Variants in CARNS1 observed in about 807,000 individuals in gnomAD.
CARNS1 encodes the protein ATP-grasp domain containing 1.
Under a neutral mutation model 74.0 loss-of-function variants are expected in CARNS1, and 61 were observed. The observed-to-expected ratio is 0.82, with a 90% CI of 0.67 to 1.02. The LOEUF is 1.02. Among genes scored for constraint, CARNS1 ranks in the 50% least tolerant of loss-of-function variants. The probability of loss-of-function intolerance (pLI) is 0.00; values close to 1 mark genes in which losing one functional copy is unlikely to be tolerated. For missense variants in CARNS1, 1,278 were observed against 1,308.4 expected (o/e 0.98, Z 0.36); for synonymous variants, 568 against 605.5 (o/e 0.94, Z 0.91).
chr11:67,420,920 C>T lies in CARNS1; in HGVS notation c.1346-19C>T. On this transcript the variant is annotated intron_variant, in intron 8 of 9. Transcript: ENST00000687366. ...GCGGTGGCTGCCGTAGCTGAGCTCG[C>T]GCCTCCCGCCCGGCGCAGGCGTGGA... 7.3e-7 allele frequency: 1 copy of T among 1,368,382 alleles called. No individual in the cohort carries two copies. The allele number at this position is 1,368,382 out of a possible 1,614,324, so 84.8% of individuals were successfully genotyped here.
Position 67,419,798 on chromosome 11 carries a change from T to C in CARNS1, c.1073T>C (p.Val358Ala), listed in dbSNP as rs774161889. Residue 358 changes from valine (V) to alanine (A), a missense_variant, in exon 7 of 10, where the codon GTG becomes GCG. Val to Ala is a moderately conservative substitution (Grantham distance 64). This residue lies in a region of CARNS1 where 1,164 missense variants were observed against 1,156.5 expected (regional missense o/e 1.01). Coordinates refer to ENST00000687366, the MANE Select transcript of CARNS1 (RefSeq NM_001166222.2). ...GGCCTGGCCGTGCGAATCTGTGCTGTGGTGTGTCGGACACAGGGTGATAGG... is the reference window on the plus strand; with the variant it reads ...GGCCTGGCCGTGCGAATCTGTGCTGCGGTGTGTCGGACACAGGGTGATAGG... ...GPGLAVRICA[V>A]VCRTQGDRPL... The C allele has an allele frequency of 8.1e-6, 13 of 1,601,714 alleles. No homozygotes were observed. The highest frequency in any genetic ancestry group is 1.6e-4 in the Middle Eastern group (1 of 6,078).
chr11:67,422,172 T>A (rs1450607519), intron 9 of CARNS1, among the ~76,000 whole-genome samples: 1 of 49,032 alleles, frequency 2.0e-5, no homozygotes, highest in Non-Finnish European at 3.7e-5. Flanking sequence ...GCGCCCGGCC[T>A]TTTTTTTTTT....
chr11:67,419,067 G>T lies in CARNS1; in HGVS notation c.676G>T (p.Val226Leu). 6.4e-7 allele frequency: 1 copy of T among 1,561,816 alleles called. No homozygotes were observed. The highest frequency in any genetic ancestry group is 8.7e-7 in the Non-Finnish European group (1 of 1,154,310). Reference sequence around the variant, plus strand: ...GCAGTTGCTGGCCCAGCAGGGTGGTGTGGCTGTGCCAGCAACCCTGGCTTT... The same window carrying T: ...GCAGTTGCTGGCCCAGCAGGGTGGTTTGGCTGTGCCAGCAACCCTGGCTTT... Reference protein sequence around the residue: ...TRQLLAQQGGVAVPATLAFTY... With the variant: ...TRQLLAQQGGLAVPATLAFTY... The change falls in exon 5 of 10, where the codon GTG becomes TTG. Residue 226 changes from valine (V) to leucine (L), a missense_variant. Val to Leu is a conservative substitution (Grantham distance 32). Transcript: ENST00000687366.
chr11:67,419,756 G>A lies in CARNS1; in HGVS notation c.1031G>A (p.Gly344Asp). Residue 344 changes from glycine (G) to aspartate (D), a missense_variant, in exon 7 of 10, where the codon GGT (glycine) becomes GAT (aspartate). Transcript: ENST00000687366. ...AGACCTCCCCGTCTTCCCCCAGATGGTCCTTCACCCGGCCCCGGCCTGGCC... is the reference window on the plus strand; with the variant it reads ...AGACCTCCCCGTCTTCCCCCAGATGATCCTTCACCCGGCCCCGGCCTGGCC... Reference protein sequence around the residue: ...YPPAQLPCSDGPSPGPGLAVR... With the variant: ...YPPAQLPCSDDPSPGPGLAVR... 1 of 1,603,562 alleles carries A rather than the reference G, an allele frequency of 6.2e-7. No homozygotes were observed. Among genetic ancestry groups the A allele is most frequent in the African/African-American group, 1.3e-5 (1 of 74,602 alleles).
At chr11:67,416,118 G>A (rs1465504709) in intron 1 of CARNS1, 58 bp from the exon 2 acceptor site, 7 of 1,059,134 alleles carry the variant, frequency 6.6e-6, no homozygotes, top group African/African-American at 1.6e-5. Flanking sequence ...GGAAGGCCAG[G>A]CAGGGACTTG....
In CARNS1 at chr11:67,419,035, T is replaced by C; in HGVS notation, c.644T>C (p.Leu215Pro). ...ELARLLEDRL[L>P]TRQLLAQQGG... ...GCCCGGCTGCTGGAGGACCGGCTGCTGACAAGGCAGTTGCTGGCCCAGCAG... is the reference window on the plus strand; with the variant it reads ...GCCCGGCTGCTGGAGGACCGGCTGCCGACAAGGCAGTTGCTGGCCCAGCAG... Residue 215 changes from leucine to proline, a missense_variant, in exon 5 of 10, where the codon CTG (leucine) becomes CCG (proline). Leu to Pro is a moderately conservative substitution (Grantham distance 98). This residue lies in a region of CARNS1 where 1,164 missense variants were observed against 1,156.5 expected (regional missense o/e 1.01). Coordinates refer to ENST00000687366, the MANE Select transcript of CARNS1 (RefSeq NM_001166222.2). 1 of 1,557,766 alleles carries C rather than the reference T, an allele frequency of 6.4e-7. No homozygotes were observed. The highest frequency in any genetic ancestry group is 8.7e-7 in the Non-Finnish European group (1 of 1,151,908).
chr11:67,423,670 C>G lies in CARNS1; in HGVS notation c.1922C>G (p.Pro641Arg). The G allele has an allele frequency of 1.9e-6, 3 of 1,600,104 alleles. No homozygotes were observed. Among genetic ancestry groups the G allele is most frequent in the South Asian group, 2.2e-5 (2 of 89,544 alleles). ...QLHLLHHHGP[P>R]WPAPSLHAVP... Reference sequence around the variant, plus strand: ...CACCTGTTGCACCACCATGGCCCACCCTGGCCTGCGCCCTCCCTCCATGCT... The same window carrying G: ...CACCTGTTGCACCACCATGGCCCACGCTGGCCTGCGCCCTCCCTCCATGCT... Residue 641 changes from proline to arginine, a missense_variant, in exon 10 of 10, where the codon CCC (proline) becomes CGC (arginine). Physicochemically the swap from Pro to Arg is moderately radical, Grantham distance 103. Transcript: ENST00000687366. The surrounding 1 kb of genome is among the most constrained non-coding windows in gnomAD (Gnocchi z 5.1).
At position 67,421,052 on chromosome 11, in the gene CARNS1, C is replaced by T. The variant is rs1336338643; in HGVS notation, c.1459C>T (p.Pro487Ser). ...CGALEGLWAAPRLGPAADEAV... is the reference protein window; with the variant it reads ...CGALEGLWAASRLGPAADEAV... ...CGCGCTGGAGGGGCTGTGGGCCGCG[C>T]CGCGGCTGGGGCCGGCGGCCGACGA... Residue 487 changes from proline to serine, a missense_variant, in exon 9 of 10, where the codon CCG becomes TCG. Physicochemically the swap from Pro to Ser is moderately conservative, Grantham distance 74. Around this residue, in one of 3 missense-constraint regions of CARNS1, gnomAD observed 1,164 missense variants for 1,156.5 expected, o/e 1.01. Transcript: ENST00000687366. 3 of 1,358,334 alleles carry T rather than the reference C, an allele frequency of 2.2e-6. No individual in the cohort carries two copies. In the African/African-American group the frequency reaches 4.6e-5, roughly 21 times the overall value. The allele number at this position is 1,358,334 out of a possible 1,614,324, so 84.1% of individuals were successfully genotyped here.
intron 7 of CARNS1, 85 bp from the exon 8 acceptor site, chr11:67,420,523 TG>T: frequency 1.2e-6 from 1 of 804,376 alleles, no homozygotes; most frequent in East Asian, 3.4e-5. Context: ...GTGAGGGGTC[TG>T]GTCTGAATTT....
At chr11:67,418,616 C>A in intron 4 of CARNS1, 96 bp downstream of exon 4, 2 of 1,435,190 alleles carry the variant, frequency 1.4e-6, no homozygotes, top group Non-Finnish European at 1.8e-6. Flanking sequence ...ACCCTGGCAA[C>A]TGCCTGCATT....
Position 67,423,796 on chromosome 11 carries a change from TG to T in CARNS1, c.2051del (p.Gly684ValfsTer5). The T allele has an allele frequency of 1.9e-6, 3 of 1,603,788 alleles. No homozygotes were observed. The highest frequency in any genetic ancestry group is 2.5e-6 in the Non-Finnish European group (3 of 1,178,464). ...VMKLEFGAGA[V>X]GVRLVEDAPQ... is the part of the protein sequence containing the mutation. ...AAGCTGGAGTTCGGGGCAGGTGCAGTGGGTGTCCGGCTGGTAGAGGATGCGC... is the reference window on the plus strand; with the variant it reads ...AAGCTGGAGTTCGGGGCAGGTGCAGTGGTGTCCGGCTGGTAGAGGATGCGC... On this transcript the variant is annotated frameshift_variant, in exon 10 of 10. Transcript: ENST00000687366. LOFTEE classifies it high-confidence loss of function. This position sits in a 1 kb window ranked among gnomAD's most constrained non-coding sequence, Gnocchi z 5.1.
In CARNS1 at chr11:67,425,461, C is replaced by CGGCG; in HGVS notation, c.*860_*861insGGCG. 8 of 198,408 alleles carry CGGCG rather than the reference C, an allele frequency of 4.0e-5. No homozygotes were observed. The highest frequency in any genetic ancestry group is 6.3e-5 in the Non-Finnish European group (6 of 94,728). 12.3% of individuals were successfully genotyped at this position (198,408 alleles called of 1,614,324 possible). A position where few individuals can be genotyped will look rare whatever the true frequency, so the allele number is the denominator to read the frequency against. On this transcript the variant is annotated 3_prime_UTR_variant, in exon 10 of 10. Coordinates refer to ENST00000687366, the MANE Select transcript of CARNS1 (RefSeq NM_001166222.2). ...AGCTTTGGTGCTTTGGCCTCTGGCA[C>CGGCG]ACCTAACTAGCATTGGCAGAGGAGA...
At chr11:67,418,169 C>G (rs1249884156) in intron 3 of CARNS1, among the ~76,000 whole-genome samples, 4 of 152,188 alleles carry the variant, frequency 2.6e-5, no homozygotes, top group Non-Finnish European at 5.9e-5. Context: ...CAAGGTTACA[C>G]AGAAAGTCAG....
chr11:67,423,578 G>C lies in CARNS1; in HGVS notation c.1830G>C (p.Glu610Asp), dbSNP rs759892422. ...TGCTCACAGCCCTGCTCTGCCAGGA[G>C]CTAGGTCTGCCCTGCAGCTCCCCAG... ...CLVLTALLCQELGLPCSSPAA... is the reference protein window; with the variant it reads ...CLVLTALLCQDLGLPCSSPAA... Residue 610 changes from glutamate to aspartate, a missense_variant, in exon 10 of 10, where the codon GAG (glutamate) becomes GAC (aspartate). Around this residue, in one of 3 missense-constraint regions of CARNS1, gnomAD observed 1,164 missense variants for 1,156.5 expected, o/e 1.01. Transcript: ENST00000687366. The surrounding 1 kb of genome is among the most constrained non-coding windows in gnomAD (Gnocchi z 5.1). 1 of 1,610,708 alleles carries C rather than the reference G, an allele frequency of 6.2e-7. No individual in the cohort carries two copies. Among genetic ancestry groups the C allele is most frequent in the Non-Finnish European group, 8.5e-7 (1 of 1,178,610 alleles).
chr11:67,417,388 A>G lies in CARNS1; in HGVS notation c.4-19A>G. The G allele has an allele frequency of 7.5e-7, 1 of 1,325,678 alleles. No individual in the cohort carries two copies. The highest frequency in any genetic ancestry group is 9.6e-7 in the Non-Finnish European group (1 of 1,036,822). 82.1% of individuals were successfully genotyped at this position (1,325,678 alleles called of 1,614,324 possible). A position where few individuals can be genotyped will look rare whatever the true frequency, so the allele number is the denominator to read the frequency against. On this transcript the variant is annotated intron_variant, in intron 2 of 9. Coordinates refer to ENST00000687366, the MANE Select transcript of CARNS1 (RefSeq NM_001166222.2). ...CACTGGCCCACCCTGCCCAAGACCT[A>G]CCACTTCTGCCCTCTCAGCTCTCCC... is the stretch of plus-strand genomic sequence containing the variant.
intron 5 of CARNS1, 96 bp from the exon 6 acceptor site, chr11:67,419,391 T>C (rs1213493533): frequency 1.3e-6 from 2 of 1,521,666 alleles, no homozygotes; most frequent in Middle Eastern, 1.7e-4. Flanking sequence ...CCTGCCCTTT[T>C]GCCTCAGTTT....
In CARNS1 at chr11:67,423,126, C is replaced by T. The variant is rs1475585337; in HGVS notation, c.1627-249C>T. Among the ~76,000 whole-genome samples, 2 of 152,242 alleles carry T rather than the reference C, an allele frequency of 1.3e-5. No individual in the cohort carries two copies. Among genetic ancestry groups the T allele is most frequent in the African/African-American group, 4.8e-5 (2 of 41,462 alleles). ...GCCTTTTCCTCCTGCAGCCACCTGG[C>T]TGACTCATATTCTTCAGCTCCCAGC... On this transcript the variant is annotated intron_variant, in intron 9 of 9. Coordinates refer to ENST00000687366, the MANE Select transcript of CARNS1 (RefSeq NM_001166222.2). The surrounding 1 kb of genome is among the most constrained non-coding windows in gnomAD (Gnocchi z 5.1).
Position 67,419,026 on chromosome 11 carries a change from A to T in CARNS1, c.635A>T (p.Asp212Val). 1 of 1,557,480 alleles carries T rather than the reference A, an allele frequency of 6.4e-7. No individual in the cohort carries two copies. The highest frequency in any genetic ancestry group is 8.7e-7 in the Non-Finnish European group (1 of 1,151,760). Residue 212 changes from aspartate to valine, a missense_variant, in exon 5 of 10, where the codon GAC becomes GTC. Asp to Val is a radical substitution (Grantham distance 152, BLOSUM62 -3). This residue lies in a region of CARNS1 where 1,164 missense variants were observed against 1,156.5 expected (regional missense o/e 1.01). Transcript: ENST00000687366. Reference protein sequence around the residue: ...ASAELARLLEDRLLTRQLLAQ... With the variant: ...ASAELARLLEVRLLTRQLLAQ... ...GCTGAGCTGGCCCGGCTGCTGGAGG[A>T]CCGGCTGCTGACAAGGCAGTTGCTG...
chr11:67,418,752 A>G lies in CARNS1; in HGVS notation c.365-4A>G. On this transcript the variant is annotated splice_region_variant and splice_polypyrimidine_tract_variant and intron_variant, in intron 4 of 9. Transcript: ENST00000687366. The stretch of plus-strand genomic sequence containing the variant: ...GGCCAGCCACTTGCCTTCTCTGCCC[A>G]CAGGAAACATGCTCCTTTGCCTGTC... The G allele has an allele frequency of 6.3e-7, 1 of 1,579,626 alleles. No homozygotes were observed. Among genetic ancestry groups the G allele is most frequent in the Non-Finnish European group, 8.6e-7 (1 of 1,161,692 alleles).
Sources: allele counts gnomAD v4.1 joint callset (sites outside exome capture counted in the v4.1 genomes callset), GRCh38; gene constraint gnomAD v4.1.1; regional missense constraint gnomAD v4.1.1; non-coding constraint Gnocchi (gnomAD v3.1); transcripts MANE v1.5; gene names NCBI Gene and HGNC (gene_info 2026-07-23, HGNC 2026-07-21).